The following TANC2 variants were observed in gnomAD, a reference collection of about 807,000 sequenced individuals.
TANC2 encodes protein TANC2.
Under a neutral mutation model 210.5 loss-of-function variants are expected in TANC2, and 26 were observed. That is an observed-to-expected ratio of 0.12 (90% CI 0.09 to 0.17). The LOEUF (loss-of-function observed/expected upper bound fraction) is 0.17, where lower values mean the gene tolerates loss of function less well. Ranked by LOEUF, TANC2 falls within the 10% of genes least tolerant of loss-of-function variation. TANC2 has a pLI of 1.00. For synonymous variants in TANC2, 931 were observed against 967.1 expected (o/e 0.96, Z 0.69); for missense variants, 2,129 against 2,608.9 (o/e 0.82, Z 4.01).
intron 8 of TANC2, among the ~76,000 whole-genome samples, chr17:63,251,342 C>A (rs914976993): frequency 6.6e-6 from 1 of 152,064 alleles, no homozygotes; most frequent in Non-Finnish European, 1.5e-5. Flanking sequence ...TTTGACCAAG[C>A]CTTTTTATCA....
intron 12 of TANC2, among the ~76,000 whole-genome samples, chr17:63,348,953 C>T (rs2046505445): frequency 6.6e-6 from 1 of 152,082 alleles, no homozygotes; most frequent in African/African-American, 2.4e-5. Context: ...CATTGTTTTA[C>T]AGCATTAGTA....
At chr17:63,132,497 C>T (rs1178744113) in intron 4 of TANC2, among the ~76,000 whole-genome samples, 1 of 152,200 alleles carries the variant, frequency 6.6e-6, no homozygotes, top group African/African-American at 2.4e-5. Context: ...GCTTCTACCC[C>T]TAAATCAAAG....
intron 9 of TANC2, among the ~76,000 whole-genome samples, chr17:63,296,821 A>C (rs1405121722): frequency 6.6e-6 from 1 of 152,180 alleles, no homozygotes; most frequent in African/African-American, 2.4e-5. Context: ...AGTAGGCAGA[A>C]GCAGAAGAAA....
At chr17:62,984,637 A>G (rs970577730) in intron 1 of TANC2, among the ~76,000 whole-genome samples, 1 of 152,004 alleles carries the variant, frequency 6.6e-6, no homozygotes, top group African/African-American at 2.4e-5. Context: ...GCTGTCTCTC[A>G]TAGGTTTTTG....
chr17:63,174,322 C>T (rs1052589076), intron 5 of TANC2, among the ~76,000 whole-genome samples: 3 of 152,190 alleles, frequency 2.0e-5, no homozygotes, highest in Non-Finnish European at 4.4e-5. Flanking sequence ...ACCTCCACTC[C>T]ACCTACCTTT....
intron 9 of TANC2, among the ~76,000 whole-genome samples, chr17:63,304,464 G>A (rs532263884): frequency 7.9e-5 from 12 of 152,238 alleles, no homozygotes; most frequent in African/African-American, 2.9e-4. Context: ...TCCTTCCTCT[G>A]GGATCTCTGA....
At chr17:63,331,492 G>C (rs975282291) in intron 11 of TANC2, among the ~76,000 whole-genome samples, 3 of 152,178 alleles carry the variant, frequency 2.0e-5, no homozygotes, top group Non-Finnish European at 4.4e-5. Context: ...AAATCTATTA[G>C]ATTCTCATCC....
intron 9 of TANC2, among the ~76,000 whole-genome samples, chr17:63,308,992 A>C (rs2045024159): frequency 6.6e-6 from 1 of 152,120 alleles, no homozygotes; most frequent in Admixed American, 6.5e-5. Flanking sequence ...TTGTAATCAT[A>C]ATATATATTG....
In TANC2 at chr17:63,356,262, C is replaced by T. The variant is rs143265737; in HGVS notation, c.2582+872C>T. On this transcript the variant is annotated intron_variant, in intron 14 of 27. Transcript: ENST00000689528. ...TCCTGGTCGGGGTGTGCTTTTACTC[C>T]GTCATACTAACATTTTTAAAGACGT... 3.0e-3 allele frequency among the ~76,000 whole-genome samples: 463 copies of T among 152,172 alleles called. 3 individuals carry two copies. Among genetic ancestry groups the T allele is most frequent in the African/African-American group, 1.0e-2 (415 of 41,512 alleles).
chr17:63,205,651 C>A (rs2041686623), intron 7 of TANC2, among the ~76,000 whole-genome samples: 2 of 152,088 alleles, frequency 1.3e-5, no homozygotes, highest in African/African-American at 4.8e-5. Context: ...ACACCTGTAA[C>A]TTTGGGACAG....
At chr17:62,980,844 C>T (rs2032261831) in intron 1 of TANC2, among the ~76,000 whole-genome samples, 1 of 152,208 alleles carries the variant, frequency 6.6e-6, no homozygotes, top group Non-Finnish European at 1.5e-5. Flanking sequence ...CATTTGCCAC[C>T]TTTTCTGTTA....
chr17:63,286,893 TTTCAC>T (rs1489868831), intron 9 of TANC2, among the ~76,000 whole-genome samples: 4 of 152,160 alleles, frequency 2.6e-5, no homozygotes, highest in Non-Finnish European at 5.9e-5. Flanking sequence ...CTAGTGTATT[TTTCAC>T]TTCAGCTGGG....
At chr17:63,227,703 T>C (rs2042364528) in intron 7 of TANC2, among the ~76,000 whole-genome samples, 1 of 152,164 alleles carries the variant, frequency 6.6e-6, no homozygotes, top group Non-Finnish European at 1.5e-5. Context: ...TTGAATGGTA[T>C]TGCCTAGATT....
At chr17:63,235,374 C>T (rs1485538814) in intron 7 of TANC2, among the ~76,000 whole-genome samples, 2 of 151,948 alleles carry the variant, frequency 1.3e-5, no homozygotes, top group African/African-American at 2.4e-5. Flanking sequence ...ATAATAAATA[C>T]GGGAACTTAT....
chr17:63,420,087 G>C lies in TANC2; in HGVS notation c.4357G>C (p.Glu1453Gln). 1 of 1,552,214 alleles carries C rather than the reference G, an allele frequency of 6.4e-7. No individual in the cohort carries two copies. Among genetic ancestry groups the C allele is most frequent in the Non-Finnish European group, 8.7e-7 (1 of 1,147,150 alleles). Reference sequence around the variant, plus strand: ...GATCCAGAGACTTCTGCTGAGAGTGGAAGAAGAGTGTAGACAGATGCAGCA... The same window carrying C: ...GATCCAGAGACTTCTGCTGAGAGTGCAAGAAGAGTGTAGACAGATGCAGCA... Residue 1453 changes from glutamate to glutamine, a missense_variant, in exon 28 of 28, where the codon GAA (glutamate) becomes CAA (glutamine). Physicochemically the swap from Glu to Gln is conservative, Grantham distance 29. Around this residue, in one of 5 missense-constraint regions of TANC2, gnomAD observed 584 missense variants for 627.3 expected, o/e 0.93. Coordinates refer to ENST00000689528, the Ensembl canonical transcript of TANC2. This position sits in a 1 kb window ranked among gnomAD's most constrained non-coding sequence, Gnocchi z 4.2.
At chr17:63,008,475 CTT>C (rs1158119283) in intron 1 of TANC2, among the ~76,000 whole-genome samples, 2 of 152,066 alleles carry the variant, frequency 1.3e-5, no homozygotes. Flanking sequence ...ACTTACAACA[CTT>C]TTGGGAAATT....
chr17:63,245,596 A>AC (rs1429715514), intron 8 of TANC2, among the ~76,000 whole-genome samples: 1 of 151,968 alleles, frequency 6.6e-6, no homozygotes, highest in Non-Finnish European at 1.5e-5. Context: ...TAATCCCAGC[A>AC]CGTTGAGAGG....
intron 7 of TANC2, among the ~76,000 whole-genome samples, chr17:63,206,057 T>C (rs1159209075): frequency 6.6e-6 from 1 of 152,232 alleles, no homozygotes; most frequent in Admixed American, 6.5e-5. Flanking sequence ...TAGACGTTTC[T>C]CCAGAGAAGA....
intron 8 of TANC2, among the ~76,000 whole-genome samples, chr17:63,261,815 G>A (rs1362726987): frequency 6.6e-6 from 1 of 152,144 alleles, no homozygotes; most frequent in Non-Finnish European, 1.5e-5. Context: ...AACATTTTCA[G>A]CACAACAAAC....
Sources: gnomAD v4.1 joint callset for allele counts (sites outside exome capture counted in the v4.1 genomes callset) on GRCh38, gnomAD v4.1.1 for gene constraint, gnomAD v4.1.1 regional missense constraint, Gnocchi (gnomAD v3.1) non-coding constraint, MANE v1.5 for transcripts, NCBI Gene and HGNC (gene_info 2026-07-23, HGNC 2026-07-21) for gene names.